NLGN4X: variants seen among roughly 807,000 people sequenced by gnomAD.
The protein encoded by NLGN4X is neuroligin-4, X-linked.
Under a neutral mutation model 40.3 loss-of-function variants are expected in NLGN4X, and 3 were observed. The ratio of observed to expected loss-of-function variants is 0.07; its 90% CI spans 0.03 to 0.19. The LOEUF is 0.19. Ranked by LOEUF, NLGN4X falls within the 10% of genes least tolerant of loss-of-function variation. The probability of loss-of-function intolerance (pLI) is 1.00; values close to 1 mark genes in which losing one functional copy is unlikely to be tolerated. For synonymous variants in NLGN4X, 270 were observed against 306.8 expected, an observed-to-expected ratio of 0.88 and a Z score of 1.25; for missense variants, 382 against 708.3, an observed-to-expected ratio of 0.54 and a Z score of 5.23.
At chrX:6,195,152 T>G (rs1922929535) in intron 1 of NLGN4X, among the ~76,000 whole-genome samples, 1 of 112,170 alleles carries the variant, frequency 8.9e-6, no homozygotes, top group African/African-American at 3.2e-5. Context: ...TAAGTTATAA[T>G]AGCTAATATG....
intron 2 of NLGN4X, among the ~76,000 whole-genome samples, chrX:6,138,226 G>T (rs984447800): frequency 9.8e-5 from 11 of 111,860 alleles, no homozygotes; most frequent in African/African-American, 3.6e-4. Context: ...AGGGTTTAAT[G>T]CATTTGACAA....
At chrX:5,923,851 T>C (rs1318004196) in intron 3 of NLGN4X, among the ~76,000 whole-genome samples, 1 of 111,431 alleles carries the variant, frequency 9.0e-6, no homozygotes, top group Non-Finnish European at 1.9e-5. Context: ...ATCTGCTTGA[T>C]TATGTGTGAT....
At chrX:6,038,012 G>A (rs941319254) in intron 2 of NLGN4X, among the ~76,000 whole-genome samples, 1 of 111,834 alleles carries the variant, frequency 8.9e-6, no homozygotes, top group Non-Finnish European at 1.9e-5. Flanking sequence ...GACTAAGACA[G>A]GTAATGCCAT....
intron 2 of NLGN4X, among the ~76,000 whole-genome samples, chrX:6,109,991 C>T (rs766376554): frequency 1.3e-3 from 149 of 110,446 alleles, no homozygotes; most frequent in African/African-American, 4.7e-3. Flanking sequence ...GGTGGCTAGT[C>T]AAGCAGCAGA....
At chrX:6,205,120 C>T (rs898683990) in intron 1 of NLGN4X, among the ~76,000 whole-genome samples, 1 of 112,176 alleles carries the variant, frequency 8.9e-6, no homozygotes, top group Non-Finnish European at 1.9e-5. Context: ...TCTACCTCCT[C>T]CCAACTTGCA....
At chrX:6,179,451 T>C (rs1229806971) in intron 1 of NLGN4X, among the ~76,000 whole-genome samples, 1 of 112,080 alleles carries the variant, frequency 8.9e-6, no homozygotes, top group Non-Finnish European at 1.9e-5. Context: ...CCTGCTCCGA[T>C]GAGTGTTAGG....
intron 3 of NLGN4X, among the ~76,000 whole-genome samples, chrX:5,995,437 G>A (rs2035793680): frequency 1.8e-5 from 2 of 112,555 alleles, no homozygotes; most frequent in Non-Finnish European, 1.9e-5. Flanking sequence ...TATGACTAAT[G>A]CATTTTGTAA....
intron 2 of NLGN4X, among the ~76,000 whole-genome samples, chrX:6,079,885 A>G (rs1229321025): frequency 9.0e-6 from 1 of 111,185 alleles, no homozygotes; most frequent in Non-Finnish European, 1.9e-5. Flanking sequence ...TAAATTTTCC[A>G]GACAGCTGTA....
chrX:6,033,107 C>T (rs2036914959), intron 2 of NLGN4X, among the ~76,000 whole-genome samples: 1 of 111,287 alleles, frequency 9.0e-6, no homozygotes, highest in South Asian at 3.7e-4. Context: ...AAAGACATTT[C>T]CCACATTCTT....
chrX:6,031,992 G>A (rs1433670227), intron 2 of NLGN4X, among the ~76,000 whole-genome samples: 1 of 109,732 alleles, frequency 9.1e-6, no homozygotes, highest in Non-Finnish European at 1.9e-5. Flanking sequence ...AAAAAGCCGT[G>A]GTGTGAAAAG....
intron 2 of NLGN4X, among the ~76,000 whole-genome samples, chrX:6,033,356 A>G (rs2036921327): frequency 8.9e-6 from 1 of 112,173 alleles, no homozygotes; most frequent in African/African-American, 3.2e-5. Flanking sequence ...TTAAATCACT[A>G]AGATTTACCT....
At chrX:6,107,606 T>C (rs890646081) in intron 2 of NLGN4X, among the ~76,000 whole-genome samples, 18 of 111,567 alleles carry the variant, frequency 1.6e-4, no homozygotes, top group African/African-American at 5.5e-4. Context: ...TACATGGGTA[T>C]ATTGCACACT....
chrX:6,073,965 A>G (rs1193063910), intron 2 of NLGN4X, among the ~76,000 whole-genome samples: 1 of 110,027 alleles, frequency 9.1e-6, no homozygotes, highest in Non-Finnish European at 1.9e-5. Flanking sequence ...GAGGCATCAG[A>G]GAGAAAACCA....
At chrX:6,112,562 CTTTCT>C (rs1269234588) in intron 2 of NLGN4X, among the ~76,000 whole-genome samples, 93 of 100,217 alleles carry the variant, frequency 9.3e-4, no homozygotes, top group African/African-American at 3.8e-3. Flanking sequence ...ATAGTCCCCG[CTTTCT>C]TTTTTTTTTT....
chrX:6,176,024 C>T (rs772070800), intron 1 of NLGN4X, among the ~76,000 whole-genome samples: 7 of 111,493 alleles, frequency 6.3e-5, no homozygotes, highest in Non-Finnish European at 1.3e-4. Flanking sequence ...TTGGCCCCTA[C>T]AGTTATGACA....
At chrX:6,067,109 C>CCT (rs949764504) in intron 2 of NLGN4X, among the ~76,000 whole-genome samples, 3 of 108,850 alleles carry the variant, frequency 2.8e-5, no homozygotes, top group Non-Finnish European at 5.7e-5. Context: ...ATACAGTCCC[C>CCT]CCCCCAAAAC....
rs766291748 is a variant in NLGN4X, at chrX:6,099,317, C to A, written c.472+51678G>T. Reference sequence around the variant, plus strand: ...GTAGAATATTCTGGGATAGCCAATTCAGAGCAGCAAGTCCTGTGTATCAAT... The same window carrying A: ...GTAGAATATTCTGGGATAGCCAATTAAGAGCAGCAAGTCCTGTGTATCAAT... On this transcript the variant is annotated intron_variant, in intron 2 of 5. Coordinates refer to ENST00000381095, the MANE Select transcript of NLGN4X (RefSeq NM_181332.3). Among the ~76,000 whole-genome samples, 5 of 112,338 alleles carry A rather than the reference C, an allele frequency of 4.5e-5. No homozygotes were observed. The South Asian group carries it at 1.8e-3, about 41-fold the overall frequency.
At chrX:6,058,225 T>G (rs1332526052) in intron 2 of NLGN4X, among the ~76,000 whole-genome samples, 1 of 111,251 alleles carries the variant, frequency 9.0e-6, no homozygotes, top group Non-Finnish European at 1.9e-5. Context: ...AATTGAAGCA[T>G]TGATAGCTTA....
intron 3 of NLGN4X, among the ~76,000 whole-genome samples, chrX:5,995,336 T>C (rs1193526333): frequency 2.7e-5 from 3 of 112,733 alleles, no homozygotes; most frequent in Non-Finnish European, 5.6e-5. Flanking sequence ...ATGGAAGATG[T>C]TGGTATCAAA....
Sources: gnomAD v4.1 joint callset for allele counts (sites outside exome capture counted in the v4.1 genomes callset) on GRCh38, gnomAD v4.1.1 for gene constraint, MANE v1.5 for transcripts, NCBI Gene and HGNC (gene_info 2026-07-23, HGNC 2026-07-21) for gene names.